The following SERPINA3 variants were observed in gnomAD, a reference collection of about 807,000 sequenced individuals.
SERPINA3 encodes alpha-1-antichymotrypsin.
SERPINA3 carries 32 observed loss-of-function variants against 26.8 expected under a neutral mutation model. The ratio of observed to expected loss-of-function variants is 1.20; its 90% CI spans 0.90 to 1.61. SERPINA3 has a LOEUF of 1.61. Ranked by LOEUF, SERPINA3 falls within the 40% of genes most tolerant of loss-of-function variation. The pLI is 0.00. For missense variants in SERPINA3, 632 were observed against 517.9 expected (o/e 1.22, Z -2.14); for synonymous variants, 252 against 206.4 (o/e 1.22, Z -1.89).
intron 3 of SERPINA3, chr14:94,619,709 A>G (rs1422061411): frequency 1.7e-6 from 1 of 572,678 alleles, no homozygotes; most frequent in Non-Finnish European, 3.1e-6. Context: ...CTAAGTCATG[A>G]GAAATCTTCT....
intron 2 of SERPINA3, chr14:94,617,650 C>T (rs1267776942): frequency 6.6e-6 from 1 of 152,130 alleles, no homozygotes; most frequent in African/African-American, 2.4e-5. Flanking sequence ...CAAAGTTGAC[C>T]TGGGCCCATT....
At chr14:94,621,016 C>A (rs560429046) in intron 3 of SERPINA3, among the ~76,000 whole-genome samples, 1 of 152,112 alleles carries the variant, frequency 6.6e-6, no homozygotes, top group Non-Finnish European at 1.5e-5. Flanking sequence ...TTGTGAGAAT[C>A]CGGTGAGGTA....
intron 2 of SERPINA3, chr14:94,615,485 C>A (rs769883136): frequency 2.2e-5 from 10 of 459,334 alleles, no homozygotes; most frequent in Non-Finnish European, 3.5e-5. Context: ...GCACCTGGGG[C>A]TCCTGCCCTG....
Position 94,623,635 on chromosome 14 carries a change from G to GTA in SERPINA3, c.1095_1096dup (p.Phe366TyrfsTer22). On this transcript the variant is annotated frameshift_variant, in exon 5 of 5. Coordinates refer to ENST00000393078, the MANE Select transcript of SERPINA3 (RefSeq NM_001085.5). LOFTEE classifies it low-confidence loss of function (END_TRUNC). ...GGTGGTCCATAAGGCTGTGCTTGAT[G>GTA]TATTTGAGGAGGGCACAGAAGCATC... The GTA allele has an allele frequency of 1.2e-6, 2 of 1,614,198 alleles. No individual in the cohort carries two copies. Among genetic ancestry groups the GTA allele is most frequent in the Non-Finnish European group, 1.7e-6 (2 of 1,180,028 alleles).
At chr14:94,621,577 C>A (rs529840980) in intron 3 of SERPINA3, among the ~76,000 whole-genome samples, 1 of 152,212 alleles carries the variant, frequency 6.6e-6, no homozygotes, top group East Asian at 1.9e-4. Flanking sequence ...TTGCAGGTGG[C>A]AGGTGTGACC....
In SERPINA3 at chr14:94,615,030, A is replaced by C; in HGVS notation, c.589A>C (p.Lys197Gln). 1 of 1,614,196 alleles carries C rather than the reference A, an allele frequency of 6.2e-7. No homozygotes were observed. Among genetic ancestry groups the C allele is most frequent in the South Asian group, 1.1e-5 (1 of 91,080 alleles). The change falls in exon 2 of 5, where the codon AAG becomes CAG. Residue 197 changes from lysine to glutamine, a missense_variant. Physicochemically the swap from Lys to Gln is moderately conservative, Grantham distance 53. Coordinates refer to ENST00000393078, the MANE Select transcript of SERPINA3 (RefSeq NM_001085.5). ...GTRGKITDLIKDLDSQTMMVL... is the reference protein window; with the variant it reads ...GTRGKITDLIQDLDSQTMMVL... ...TAGGGGGAAAATCACAGATCTGATC[A>C]AGGACCTTGACTCGCAGACAATGAT...
At position 94,620,809 on chromosome 14, in the gene SERPINA3, G is replaced by A. The variant is rs114984144; in HGVS notation, c.917+1341G>A. On this transcript the variant is annotated intron_variant, in intron 3 of 4. Coordinates refer to ENST00000393078, the MANE Select transcript of SERPINA3 (RefSeq NM_001085.5). Reference sequence around the variant, plus strand: ...CACAGTGAGGAGGAGCAGTAGTTCCGGGCCCAGACCCTGCAGTGGGCCCAG... The same window carrying A: ...CACAGTGAGGAGGAGCAGTAGTTCCAGGCCCAGACCCTGCAGTGGGCCCAG... Among the ~76,000 whole-genome samples, 564 of 152,254 alleles carry A rather than the reference G, an allele frequency of 3.7e-3. 3 individuals are homozygous for A. The highest frequency in any genetic ancestry group is 0.013 in the African/African-American group (542 of 41,540).
chr14:94,615,071 C>T lies in SERPINA3; in HGVS notation c.630C>T (p.Tyr210=). The T allele has an allele frequency of 6.2e-7, 1 of 1,614,070 alleles. No homozygotes were observed. The highest frequency in any genetic ancestry group is 8.5e-7 in the Non-Finnish European group (1 of 1,180,034). Residue 210 remains tyrosine (Y), a synonymous_variant, in exon 2 of 5, where the codon TAC becomes TAT. Coordinates refer to ENST00000393078, the MANE Select transcript of SERPINA3 (RefSeq NM_001085.5). ...AGACAATGATGGTCCTGGTGAATTA[C>T]ATCTTCTTTAAAGGTGAGTGTGCCT... The part of the protein sequence containing the change: ...DSQTMMVLVN[Y]IFFKAKWEMP...
In SERPINA3 at chr14:94,614,573, C is replaced by CA. The variant is rs1566845992; in HGVS notation, c.132_133insA (p.Val45SerfsTer26). Reference sequence around the variant, plus strand: ...AGGAGAACCAAGACCGAGGGACACACGTGGACCTCGGATTAGCCTCCGCCA... The same window carrying CA: ...AGGAGAACCAAGACCGAGGGACACACAGTGGACCTCGGATTAGCCTCCGCCA... On this transcript the variant is annotated frameshift_variant, in exon 2 of 5. Transcript: ENST00000393078. LOFTEE classifies it high-confidence loss of function. 6.2e-7 allele frequency: 1 copy of CA among 1,614,062 alleles called. No individual in the cohort carries two copies. The highest frequency in any genetic ancestry group is 8.5e-7 in the Non-Finnish European group (1 of 1,180,056).
intron 2 of SERPINA3, chr14:94,618,768 A>T (rs2139959959): frequency 3.7e-6 from 1 of 269,686 alleles, no homozygotes; most frequent in Admixed American, 4.9e-5. Flanking sequence ...CCCTCCCACA[A>T]GCCACTGTTA....
At chr14:94,618,797 A>G (rs1255058789) in intron 2 of SERPINA3, 1 of 344,756 alleles carries the variant, frequency 2.9e-6, no homozygotes, top group African/African-American at 2.1e-5. Context: ...CATCCCTGTA[A>G]TACCAGTGAG....
intron 2 of SERPINA3, 92 bp from the exon 3 acceptor site, chr14:94,619,103 G>A (rs1218212794): frequency 6.9e-7 from 1 of 1,455,038 alleles, no homozygotes; most frequent in Non-Finnish European, 9.6e-7. Context: ...CCTCCTATGA[G>A]GGACTCTGGG....
intron 2 of SERPINA3, 82 bp from the exon 3 acceptor site, chr14:94,619,113 G>A (rs1886099445): frequency 1.7e-5 from 26 of 1,517,786 alleles, no homozygotes; most frequent in Non-Finnish European, 2.3e-5. Context: ...GGGACTCTGG[G>A]CACTTCCACT....
Position 94,619,352 on chromosome 14 carries a change from G to A in SERPINA3, c.801G>A (p.Lys267=), listed in dbSNP as rs1441191299. ...EELSCTVVEL[K]YTGNASALFI... The stretch of plus-strand genomic sequence containing the variant: ...TGTCCTGCACCGTGGTGGAGCTGAA[G>A]TACACAGGCAATGCCAGCGCACTCT... The change falls in exon 3 of 5, where the codon AAG becomes AAA. Residue 267 remains lysine, a synonymous_variant. Coordinates refer to ENST00000393078, the MANE Select transcript of SERPINA3 (RefSeq NM_001085.5). 1 of 1,614,208 alleles carries A rather than the reference G, an allele frequency of 6.2e-7. No homozygotes were observed. Among genetic ancestry groups the A allele is most frequent in the Non-Finnish European group, 8.5e-7 (1 of 1,180,046 alleles).
At chr14:94,623,458 C>A in intron 4 of SERPINA3, 153 bp from the exon 5 acceptor site, 1 of 739,352 alleles carries the variant, frequency 1.4e-6, no homozygotes, top group Non-Finnish European at 2.4e-6. Flanking sequence ...AACTAGTTGG[C>A]AGGGGAGTTG....
chr14:94,621,117 A>T (rs773615021), intron 3 of SERPINA3, among the ~76,000 whole-genome samples: 2 of 152,134 alleles, frequency 1.3e-5, no homozygotes, highest in Non-Finnish European at 2.9e-5. Context: ...ACCACTGTCC[A>T]GAAGGCCGGA....
At chr14:94,623,494 A>C in intron 4 of SERPINA3, 117 bp from the exon 5 acceptor site, 1 of 943,048 alleles carries the variant, frequency 1.1e-6, no homozygotes, top group Non-Finnish European at 1.7e-6. Flanking sequence ...CAACAGCACA[A>C]AGACAGGCCA....
At chr14:94,612,724 T>C (rs1455554355) in intron 1 of SERPINA3, among the ~76,000 whole-genome samples, 3 of 152,206 alleles carry the variant, frequency 2.0e-5, no homozygotes, top group African/African-American at 7.2e-5. Context: ...AGATTCGGAT[T>C]TGAGTCAGCT....
chr14:94,619,779 G>A, intron 3 of SERPINA3: 2 of 445,758 alleles, frequency 4.5e-6, no homozygotes, highest in Non-Finnish European at 4.2e-6. Flanking sequence ...AAGGGAGAGA[G>A]AAACAGAAGG....
Sources: gnomAD v4.1 joint callset for allele counts (sites outside exome capture counted in the v4.1 genomes callset) on GRCh38, gnomAD v4.1.1 for gene constraint, MANE v1.5 for transcripts, NCBI Gene and HGNC (gene_info 2026-07-23, HGNC 2026-07-21) for gene names.